The following NFATC2 variants were observed in gnomAD, a reference collection of about 807,000 sequenced individuals.
The protein encoded by NFATC2 is nuclear factor of activated T cells 2, also known as nuclear factor of activated T-cells, cytoplasmic 2.
NFATC2 carries 22 observed loss-of-function variants against 87.3 expected under a neutral mutation model. That is an observed-to-expected ratio of 0.25 (90% CI 0.18 to 0.36). The LOEUF (loss-of-function observed/expected upper bound fraction) is 0.36, where lower values mean the gene tolerates loss of function less well. Ranked by LOEUF, NFATC2 falls within the 10% of genes least tolerant of loss-of-function variation. The probability of loss-of-function intolerance (pLI) is 1.00; values close to 1 mark genes in which losing one functional copy is unlikely to be tolerated. For missense variants in NFATC2, 1,149 were observed against 1,259.1 expected, an observed-to-expected ratio of 0.91 and a Z score of 1.32; for synonymous variants, 565 against 542.2, an observed-to-expected ratio of 1.04 and a Z score of -0.58.
At chr20:51,447,572 C>T (rs1985231155) in intron 6 of NFATC2, among the ~76,000 whole-genome samples, 1 of 152,236 alleles carries the variant, frequency 6.6e-6, no homozygotes, top group African/African-American at 2.4e-5. Flanking sequence ...TTTCCCGCTG[C>T]CACATCACTT....
intron 3 of NFATC2, among the ~76,000 whole-genome samples, chr20:51,501,649 C>T (rs1264271039): frequency 1.3e-5 from 2 of 152,208 alleles, no homozygotes; most frequent in African/African-American, 4.8e-5. Context: ...TTCCCAGTCA[C>T]TTTCCATCCC....
chr20:51,544,051 G>C (rs906048855), upstream of NFATC2, among the ~76,000 whole-genome samples: 1 of 142,246 alleles, frequency 7.0e-6, no homozygotes, highest in Non-Finnish European at 1.5e-5. Flanking sequence ...GCAGTGGCGC[G>C]ATCTTGGCTC....
intron 3 of NFATC2, among the ~76,000 whole-genome samples, chr20:51,499,044 G>T (rs142595928): frequency 6.6e-6 from 1 of 152,126 alleles, no homozygotes; most frequent in East Asian, 1.9e-4. Flanking sequence ...GAGTGAGTGA[G>T]TGAGGAAGAG....
intron 1 of NFATC2, among the ~76,000 whole-genome samples, chr20:51,533,436 C>T (rs926474880): frequency 1.3e-5 from 2 of 152,208 alleles, no homozygotes; most frequent in African/African-American, 4.8e-5. Context: ...GTATTAATGA[C>T]CAGAGTCAGG....
rs77435173 is a variant in NFATC2, at chr20:51,517,056, C to T, written c.1161-101G>A. ...CCTTTCTGAAAATCATGGATACAGT[C>T]ATGTATTGCTCAACAATGAGGATAC... On this transcript the variant is annotated intron_variant, in intron 2 of 10. Coordinates refer to ENST00000371564, the MANE Select transcript of NFATC2 (RefSeq NM_012340.5). The T allele has an allele frequency of 3.4e-4, 400 of 1,162,848 alleles. 1 individual carries two copies. The African/African-American group carries it at 5.7e-3, about 17-fold the overall frequency. 72.0% of individuals were successfully genotyped at this position (1,162,848 alleles called of 1,614,324 possible). A position where few individuals can be genotyped will look rare whatever the true frequency, so the allele number is the denominator to read the frequency against.
At position 51,523,765 on chromosome 20, in the gene NFATC2, T is replaced by G. The variant is rs2076493383; in HGVS notation, c.476A>C (p.Glu159Ala). The change falls in exon 2 of 11, where the codon GAG (glutamate) becomes GCG (alanine). Residue 159 changes from glutamate (E) to alanine (A), a missense_variant. Glu to Ala is a moderately radical substitution (Grantham distance 107). Transcript: ENST00000371564. The surrounding 1 kb of genome is among the most constrained non-coding windows in gnomAD (Gnocchi z 6.9). ...CAAGCAAAGCGGCTCGCGGTAGCCC[T>G]CGAAGCCGGGCACGGGCAGGGTGAA... is the stretch of plus-strand genomic sequence containing the variant. ...PRFTLPVPGF[E>A]GYREPLCLSP... 1 of 1,609,180 alleles carries G rather than the reference T, an allele frequency of 6.2e-7. No homozygotes were observed. Among genetic ancestry groups the G allele is most frequent in the African/African-American group, 1.3e-5 (1 of 74,662 alleles).
intron 1 of NFATC2, among the ~76,000 whole-genome samples, chr20:51,529,061 T>C (rs373918336): frequency 2.6e-5 from 4 of 152,110 alleles, no homozygotes; most frequent in South Asian, 4.1e-4. Flanking sequence ...AGTTTTAATC[T>C]AGGAAAAGAG....
chr20:51,460,968 TGACTTGTCACGCACGTTTGCTTAA>T (rs1385121650), intron 5 of NFATC2, among the ~76,000 whole-genome samples: 1 of 152,218 alleles, frequency 6.6e-6, no homozygotes, highest in Non-Finnish European at 1.5e-5. Flanking sequence ...TCTTTCCGGG[TGACTTGTCACGCACGTTTGCTTAA>T]GAGCCAAGTT....
At chr20:51,489,406 A>G (rs758738769) in intron 3 of NFATC2, among the ~76,000 whole-genome samples, 4 of 152,218 alleles carry the variant, frequency 2.6e-5, no homozygotes, top group Non-Finnish European at 5.9e-5. Context: ...TAATGACTTC[A>G]TAGCACTTTG....
chr20:51,556,783 G>A (rs778962020), intron 1 of NFATC2, among the ~76,000 whole-genome samples: 4 of 152,150 alleles, frequency 2.6e-5, no homozygotes, highest in African/African-American at 7.2e-5. Flanking sequence ...CCGGAGCCCC[G>A]GAGTGTCAGG....
chr20:51,499,522 G>C (rs118101449), intron 3 of NFATC2, among the ~76,000 whole-genome samples: 7,994 of 152,184 alleles, frequency 0.053, 293 homozygotes, highest in Middle Eastern at 0.13. Flanking sequence ...GGAAGCCAAG[G>C]TGGGTGGATC....
At chr20:51,557,442 G>T (rs6063671) in intron 1 of NFATC2, among the ~76,000 whole-genome samples, 23,703 of 152,162 alleles carry the variant, frequency 0.16, 2,411 homozygotes, top group Middle Eastern at 0.23. Flanking sequence ...CCTTGGCATG[G>T]TGCCTGACAC....
At chr20:51,457,802 C>G (rs544376756) in intron 5 of NFATC2, among the ~76,000 whole-genome samples, 17 of 151,954 alleles carry the variant, frequency 1.1e-4, no homozygotes, top group African/African-American at 3.9e-4. Context: ...TGCGCACTAT[C>G]AAGTTTGAGA....
At chr20:51,422,857 G>A (rs916041372) in intron 9 of NFATC2, among the ~76,000 whole-genome samples, 2 of 152,184 alleles carry the variant, frequency 1.3e-5, no homozygotes, top group South Asian at 4.1e-4. Flanking sequence ...GAATAATCTA[G>A]TGTATGAAAT....
chr20:51,452,447 T>C (rs1207698039), intron 6 of NFATC2, among the ~76,000 whole-genome samples: 1 of 152,130 alleles, frequency 6.6e-6, no homozygotes, highest in African/African-American at 2.4e-5. Context: ...GGACTTCACC[T>C]CAGATCTCAT....
At position 51,475,321 on chromosome 20, in the gene NFATC2, C is replaced by G. The variant is rs917038854; in HGVS notation, c.1535+137G>C. 5 of 817,126 alleles carry G rather than the reference C, an allele frequency of 6.1e-6. No homozygotes were observed. In the African/African-American group the frequency reaches 8.6e-5, roughly 14 times the overall value. The allele number at this position is 817,126 out of a possible 1,614,324, so 50.6% of individuals were successfully genotyped here. ...ATTTAAAACAGAAATCACAACGGGT[C>G]GATGGATCACAGACTGAGAACTGCC... is the stretch of plus-strand genomic sequence containing the variant. On this transcript the variant is annotated intron_variant, in intron 4 of 10. Coordinates refer to ENST00000371564, the MANE Select transcript of NFATC2 (RefSeq NM_012340.5).
intron 1 of NFATC2, among the ~76,000 whole-genome samples, chr20:51,559,633 T>G (rs1367266513): frequency 1.3e-5 from 2 of 152,212 alleles, no homozygotes; most frequent in Admixed American, 1.3e-4. Context: ...TTATAACAAT[T>G]AAAAGACTTA....
chr20:51,562,275 G>A lies in NFATC2; in HGVS notation c.70+285C>T, dbSNP rs2077039494. ...AGAATCCCTCCCGGTGTCCCGTGGA[G>A]AGGAAAATCCTCCCGACAGACTGGC... is the stretch of plus-strand genomic sequence containing the variant. On this transcript the variant is annotated intron_variant, in intron 1 of 10. Coordinates refer to the NFATC2 transcript ENST00000414705. This position sits in a 1 kb window ranked among gnomAD's most constrained non-coding sequence, Gnocchi z 5.8. Among the ~76,000 whole-genome samples, 1 of 152,248 alleles carries A rather than the reference G, an allele frequency of 6.6e-6. No individual in the cohort carries two copies. Among genetic ancestry groups the A allele is most frequent in the South Asian group, 2.1e-4 (1 of 4,838 alleles).
chr20:51,509,248 T>A (rs1824720419), intron 3 of NFATC2, among the ~76,000 whole-genome samples: 1 of 150,254 alleles, frequency 6.7e-6, no homozygotes, highest in African/African-American at 2.5e-5. Flanking sequence ...CCTCCCAACA[T>A]ACTATTTCAT....
Sources: gnomAD v4.1 joint callset for allele counts (sites outside exome capture counted in the v4.1 genomes callset) on GRCh38, gnomAD v4.1.1 for gene constraint, Gnocchi (gnomAD v3.1) non-coding constraint, MANE v1.5 for transcripts, NCBI Gene and HGNC (gene_info 2026-07-23, HGNC 2026-07-21) for gene names.